Variants in AUTS2 observed in about 807,000 individuals in gnomAD.
AUTS2 encodes activator of transcription and developmental regulator AUTS2.
Under a neutral mutation model 112.4 loss-of-function variants are expected in AUTS2, and 17 were observed. The observed-to-expected ratio is 0.15, with a 90% CI of 0.10 to 0.23. The LOEUF (loss-of-function observed/expected upper bound fraction) is 0.23. Ranked by LOEUF, AUTS2 falls within the 10% of genes least tolerant of loss-of-function variation. The pLI is 1.00. For missense variants in AUTS2, 1,510 were observed against 1,701.6 expected, an observed-to-expected ratio of 0.89 and a Z score of 1.98; for synonymous variants, 751 against 702.7, an observed-to-expected ratio of 1.07 and a Z score of -1.09.
intron 4 of AUTS2, among the ~76,000 whole-genome samples, chr7:70,310,474 G>C (rs748318499): frequency 3.3e-5 from 5 of 152,036 alleles, no homozygotes; most frequent in African/African-American, 1.2e-4. Context: ...TTAGCTGGGC[G>C]TGGTGGTGGG....
At chr7:69,769,862 G>A (rs1208383520) in intron 1 of AUTS2, among the ~76,000 whole-genome samples, 1 of 152,206 alleles carries the variant, frequency 6.6e-6, no homozygotes, top group Non-Finnish European at 1.5e-5. Context: ...ATTACTTCAC[G>A]GGGTTGTTGT....
chr7:69,932,638 T>A (rs1307526137), intron 2 of AUTS2, among the ~76,000 whole-genome samples: 3 of 152,200 alleles, frequency 2.0e-5, no homozygotes, highest in Admixed American at 6.5e-5. Context: ...CTTCTGTTGA[T>A]TAGTACAGTT....
At chr7:69,821,643 C>T (rs1359723758) in intron 1 of AUTS2, among the ~76,000 whole-genome samples, 2 of 152,108 alleles carry the variant, frequency 1.3e-5, no homozygotes, top group African/African-American at 4.8e-5. Flanking sequence ...AGCTTCATTG[C>T]TGAAGTCAGG....
chr7:70,028,986 G>T (rs1184902297), intron 2 of AUTS2, among the ~76,000 whole-genome samples: 1 of 152,014 alleles, frequency 6.6e-6, no homozygotes, highest in Non-Finnish European at 1.5e-5. Flanking sequence ...CTCCTCAAAG[G>T]CTCCCTCTCT....
At chr7:70,653,079 A>T (rs1012897291) in intron 5 of AUTS2, among the ~76,000 whole-genome samples, 7 of 151,788 alleles carry the variant, frequency 4.6e-5, no homozygotes, top group Non-Finnish European at 1.0e-4. Flanking sequence ...ACATAGGAAG[A>T]CTCTATCTCT....
chr7:70,153,200 T>G (rs1490030928), intron 4 of AUTS2, among the ~76,000 whole-genome samples: 3 of 152,138 alleles, frequency 2.0e-5, no homozygotes, highest in Admixed American at 6.6e-5. Flanking sequence ...TGAATGAAAA[T>G]TTGGTATATT....
chr7:70,511,936 T>G (rs997817972), intron 5 of AUTS2, among the ~76,000 whole-genome samples: 3 of 152,186 alleles, frequency 2.0e-5, no homozygotes, highest in East Asian at 3.8e-4. Flanking sequence ...CTGGTTTGAT[T>G]GATAAATTAA....
chr7:70,519,839 C>T (rs1250352620), intron 5 of AUTS2, among the ~76,000 whole-genome samples: 1 of 152,046 alleles, frequency 6.6e-6, no homozygotes, highest in African/African-American at 2.4e-5. Context: ...TGTCAGCTGG[C>T]CATGAGGAGG....
intron 5 of AUTS2, among the ~76,000 whole-genome samples, chr7:70,551,465 C>T (rs1007022656): frequency 6.6e-6 from 1 of 152,184 alleles, no homozygotes; most frequent in African/African-American, 2.4e-5. Context: ...CTCCCAAAAA[C>T]CTCTCAACCC....
chr7:69,973,725 G>T (rs1343481624), intron 2 of AUTS2, among the ~76,000 whole-genome samples: 2 of 152,072 alleles, frequency 1.3e-5, no homozygotes, highest in Non-Finnish European at 2.9e-5. Flanking sequence ...TATTAATACG[G>T]TAGAGTACAT....
chr7:70,294,071 A>C (rs1330899251), intron 4 of AUTS2: 2 of 152,256 alleles, frequency 1.3e-5, no homozygotes, highest in South Asian at 4.1e-4. Context: ...TACAGTGTTT[A>C]TGTGAGAATA....
intron 1 of AUTS2, among the ~76,000 whole-genome samples, chr7:69,690,162 G>C (rs1797262616): frequency 6.6e-6 from 1 of 152,174 alleles, no homozygotes; most frequent in Non-Finnish European, 1.5e-5. Flanking sequence ...CACATAGTAG[G>C]TACTCAGTAA....
intron 2 of AUTS2, among the ~76,000 whole-genome samples, chr7:69,943,862 T>C (rs2129545236): frequency 6.6e-6 from 1 of 152,212 alleles, no homozygotes; most frequent in East Asian, 1.9e-4. Flanking sequence ...AAGCAGGTTT[T>C]AGCAGGTAAT....
intron 1 of AUTS2, among the ~76,000 whole-genome samples, chr7:69,881,910 G>A (rs1438308633): frequency 2.0e-5 from 3 of 152,078 alleles, no homozygotes; most frequent in Non-Finnish European, 4.4e-5. Context: ...CCAACACTTT[G>A]GGAGGCCGAG....
At chr7:70,360,526 A>G (rs1048099461) in intron 4 of AUTS2, among the ~76,000 whole-genome samples, 1 of 152,188 alleles carries the variant, frequency 6.6e-6, no homozygotes, top group African/African-American at 2.4e-5. Context: ...ACATTTTCAG[A>G]CACACTAGAA....
intron 5 of AUTS2, among the ~76,000 whole-genome samples, chr7:70,518,298 G>A (rs1799498986): frequency 6.6e-6 from 1 of 152,126 alleles, no homozygotes; most frequent in Non-Finnish European, 1.5e-5. Context: ...TGAAAGTTGG[G>A]TAAAGATTGG....
At chr7:69,686,741 T>A (rs893813801) in intron 1 of AUTS2, among the ~76,000 whole-genome samples, 2 of 152,168 alleles carry the variant, frequency 1.3e-5, no homozygotes, top group Non-Finnish European at 2.9e-5. Flanking sequence ...AATATAGCTT[T>A]TGTCAGATTC....
chr7:69,708,417 G>T (rs1461351469), intron 1 of AUTS2, among the ~76,000 whole-genome samples: 1 of 152,188 alleles, frequency 6.6e-6, no homozygotes, highest in Non-Finnish European at 1.5e-5. Flanking sequence ...TCAGACATGG[G>T]AGGGTATTAG....
intron 2 of AUTS2, among the ~76,000 whole-genome samples, chr7:69,962,731 T>TGC (rs1797481244): frequency 6.6e-6 from 1 of 152,000 alleles, no homozygotes. Context: ...TGTGTGTGTG[T>TGC]GCACAGCTCG....
Sources: gnomAD v4.1 joint callset for allele counts (sites outside exome capture counted in the v4.1 genomes callset) on GRCh38, gnomAD v4.1.1 for gene constraint, MANE v1.5 for transcripts, NCBI Gene and HGNC (gene_info 2026-07-23, HGNC 2026-07-21) for gene names.